The following SPCS1 variants were observed in gnomAD, a reference collection of about 807,000 sequenced individuals.
The protein encoded by SPCS1 is signal peptidase complex subunit 1, also known as SPase 12 kDa subunit.
Under a neutral mutation model 16.4 loss-of-function variants are expected in SPCS1, and 10 were observed. The observed-to-expected ratio is 0.61, with a 90% CI of 0.38 to 1.03. The LOEUF is 1.03. Ranked by LOEUF, SPCS1 falls within the 50% of genes least tolerant of loss-of-function variation. The pLI is 0.01. For missense variants in SPCS1, 118 were observed against 123.8 expected, an observed-to-expected ratio of 0.95 and a Z score of 0.22; for synonymous variants, 47 against 42.5, an observed-to-expected ratio of 1.10 and a Z score of -0.41.
rs1480823575 is a variant in SPCS1, at chr3:52,708,461, G to C, written c.*649G>C. ...ACACGATGCATTGTTAAGTACTTAAGATTTATTGAATGAGAACTGCATTGT... is the reference window on the plus strand; with the variant it reads ...ACACGATGCATTGTTAAGTACTTAACATTTATTGAATGAGAACTGCATTGT... On this transcript the variant is annotated 3_prime_UTR_variant, in exon 4 of 4. Coordinates refer to ENST00000619898, the MANE Select transcript of SPCS1 (RefSeq NM_014041.5). 3 of 152,208 alleles carry C rather than the reference G, an allele frequency of 2.0e-5. No homozygotes were observed. The highest frequency in any genetic ancestry group is 2.9e-5 in the Non-Finnish European group (2 of 68,056). The allele number at this position is 152,208 out of a possible 1,614,324, so 9.4% of individuals were successfully genotyped here. A position where few individuals can be genotyped will look rare whatever the true frequency, so the allele number is the denominator to read the frequency against.
At position 52,711,018 on chromosome 3, in the gene SPCS1, TA is replaced by T. The variant is rs1250477965; in HGVS notation, c.*3209del. 3.9e-5 allele frequency: 6 copies of T among 152,612 alleles called. No individual in the cohort carries two copies. Among genetic ancestry groups the T allele is most frequent in the Non-Finnish European group, 8.8e-5 (6 of 68,028 alleles). The allele number at this position is 152,612 out of a possible 1,614,324, so 9.5% of individuals were successfully genotyped here. ...ACAAACATTAAATATATCCAAAAAC[TA>T]AATGGACCTGGACTTTGCTTACAAA... On this transcript the variant is annotated 3_prime_UTR_variant, in exon 4 of 4. Coordinates refer to ENST00000619898, the MANE Select transcript of SPCS1 (RefSeq NM_014041.5).
intron 1 of SPCS1, 146 bp from the exon 2 acceptor site, chr3:52,706,498 C>T (rs1466880617): frequency 1.1e-6 from 1 of 875,102 alleles, no homozygotes; most frequent in Admixed American, 2.8e-5. Context: ...CCCGGGAAGC[C>T]CAGAATTTAA....
chr3:52,706,633 C>A lies in SPCS1; in HGVS notation c.37-11C>A. On this transcript the variant is annotated splice_polypyrimidine_tract_variant and intron_variant, in intron 1 of 3. Transcript: ENST00000619898. ...TGGAACCAATTCTTTTTTTCCTCTG[C>A]TTCACCCCAGGATTACAAGGGCCAG... is the stretch of plus-strand genomic sequence containing the variant. The A allele has an allele frequency of 3.7e-6, 6 of 1,613,246 alleles. No homozygotes were observed. The highest frequency in any genetic ancestry group is 5.1e-6 in the Non-Finnish European group (6 of 1,179,428).
chr3:52,707,843 T>C lies in SPCS1; in HGVS notation c.*31T>C, dbSNP rs1266362582. ...TCATGATTCAGCACCTGCTTTTGTT[T>C]CTGTGAGATGAGCTAAATTGCTTTC... On this transcript the variant is annotated 3_prime_UTR_variant, in exon 4 of 4. Coordinates refer to ENST00000619898, the MANE Select transcript of SPCS1 (RefSeq NM_014041.5). 3.7e-6 allele frequency: 6 copies of C among 1,612,878 alleles called. No individual in the cohort carries two copies. The highest frequency in any genetic ancestry group is 1.3e-5 in the African/African-American group (1 of 74,856).
At chr3:52,706,311 C>T (rs758341721) in intron 1 of SPCS1, 29 bp downstream of exon 1, 2 of 1,586,444 alleles carry the variant, frequency 1.3e-6, no homozygotes, top group Non-Finnish European at 1.7e-6. Context: ...GACCTCTGCA[C>T]GCCGTTCTTG....
chr3:52,707,933 C>T lies in SPCS1; in HGVS notation c.*121C>T, dbSNP rs372197210. 9.0e-6 allele frequency: 11 copies of T among 1,218,410 alleles called. No individual in the cohort carries two copies. In the East Asian group the frequency reaches 1.2e-4, roughly 13 times the overall value. 75.5% of individuals were successfully genotyped at this position (1,218,410 alleles called of 1,614,324 possible). Reference sequence around the variant, plus strand: ...GGCACAGCTGTGTATAGATTTAGTTCTCTTTATACTTCATTTCTAGCCCAG... The same window carrying T: ...GGCACAGCTGTGTATAGATTTAGTTTTCTTTATACTTCATTTCTAGCCCAG... On this transcript the variant is annotated 3_prime_UTR_variant, in exon 4 of 4. Transcript: ENST00000619898.
Position 52,706,715 on chromosome 3 carries a change from T to A in SPCS1, c.96+12T>A, listed in dbSNP as rs1397536483. On this transcript the variant is annotated intron_variant, in intron 2 of 3. Coordinates refer to ENST00000619898, the MANE Select transcript of SPCS1 (RefSeq NM_014041.5). ...TTCTTTTTTCTGCAGTAAGTATTGGTTTTACATTTAATCTCCGCCCCCGCC... is the reference window on the plus strand; with the variant it reads ...TTCTTTTTTCTGCAGTAAGTATTGGATTTACATTTAATCTCCGCCCCCGCC... The A allele has an allele frequency of 6.2e-7, 1 of 1,612,912 alleles. No homozygotes were observed. Among genetic ancestry groups the A allele is most frequent in the Non-Finnish European group, 8.5e-7 (1 of 1,178,982 alleles).
At position 52,706,856 on chromosome 3, in the gene SPCS1, G is replaced by A. The variant is rs1333094481; in HGVS notation, c.160G>A (p.Ala54Thr). The change falls in exon 3 of 4, where the codon GCC (alanine) becomes ACC (threonine). Residue 54 changes from alanine (A) to threonine (T), a missense_variant. Transcript: ENST00000619898. The part of the protein sequence containing the change: ...QFGWTVYIVM[A>T]GFAFSCLLTL... ...CGGGTGGACTGTCTATATAGTTATGGCCGGATTTGCTTTTTCATGTTTGGT... is the reference window on the plus strand; with the variant it reads ...CGGGTGGACTGTCTATATAGTTATGACCGGATTTGCTTTTTCATGTTTGGT... 6.2e-7 allele frequency: 1 copy of A among 1,613,932 alleles called. No individual in the cohort carries two copies. Among genetic ancestry groups the A allele is most frequent in the African/African-American group, 1.3e-5 (1 of 75,004 alleles).
At chr3:52,706,384 G>T (rs924723824) in intron 1 of SPCS1, 102 bp downstream of exon 1, 1 of 1,287,648 alleles carries the variant, frequency 7.8e-7, no homozygotes, top group Non-Finnish European at 1.1e-6. Context: ...TCCGGGCCCG[G>T]ATGGTTACCG....
Position 52,706,874 on chromosome 3 carries a change from T to C in SPCS1, c.178T>C (p.Cys60Arg), listed in dbSNP as rs1318840712. The change falls in exon 3 of 4, where the codon TGT becomes CGT. Residue 60 changes from cysteine (C) to arginine (R), a missense_variant. Coordinates refer to ENST00000619898, the MANE Select transcript of SPCS1 (RefSeq NM_014041.5). ...YIVMAGFAFS[C>R]LLTLPPWPIY... is the part of the protein sequence containing the mutation. Reference sequence around the variant, plus strand: ...AGTTATGGCCGGATTTGCTTTTTCATGTTTGGTAAGAAATTTGTGGGTATT... The same window carrying C: ...AGTTATGGCCGGATTTGCTTTTTCACGTTTGGTAAGAAATTTGTGGGTATT... 6.2e-7 allele frequency: 1 copy of C among 1,613,680 alleles called. No homozygotes were observed. Among genetic ancestry groups the C allele is most frequent in the South Asian group, 1.1e-5 (1 of 91,074 alleles).
At chr3:52,707,158 T>C (rs545994562) in intron 3 of SPCS1, 143 of 311,370 alleles carry the variant, frequency 4.6e-4, no homozygotes, top group African/African-American at 2.8e-3. Context: ...TCCCTTCACC[T>C]TTTATTTATT....
Position 52,706,841 on chromosome 3 carries a change from G to A in SPCS1, c.145G>A (p.Val49Ile). Residue 49 changes from valine (V) to isoleucine (I), a missense_variant, in exon 3 of 4, where the codon GTC (valine) becomes ATC (isoleucine). Coordinates refer to ENST00000619898, the MANE Select transcript of SPCS1 (RefSeq NM_014041.5). ...GYVAEQFGWTVYIVMAGFAFS... is the reference protein window; with the variant it reads ...GYVAEQFGWTIYIVMAGFAFS... ...CGTGGCTGAACAGTTCGGGTGGACTGTCTATATAGTTATGGCCGGATTTGC... is the reference window on the plus strand; with the variant it reads ...CGTGGCTGAACAGTTCGGGTGGACTATCTATATAGTTATGGCCGGATTTGC... 1 of 1,614,148 alleles carries A rather than the reference G, an allele frequency of 6.2e-7. No homozygotes were observed. The highest frequency in any genetic ancestry group is 1.3e-5 in the African/African-American group (1 of 75,028).
In SPCS1 at chr3:52,706,713, G is replaced by C; in HGVS notation, c.96+10G>C. 6.2e-7 allele frequency: 1 copy of C among 1,613,022 alleles called. No homozygotes were observed. Among genetic ancestry groups the C allele is most frequent in the Non-Finnish European group, 8.5e-7 (1 of 1,179,148 alleles). On this transcript the variant is annotated intron_variant, in intron 2 of 3. Transcript: ENST00000619898. Reference sequence around the variant, plus strand: ...TATTCTTTTTTCTGCAGTAAGTATTGGTTTTACATTTAATCTCCGCCCCCG... The same window carrying C: ...TATTCTTTTTTCTGCAGTAAGTATTCGTTTTACATTTAATCTCCGCCCCCG...
Position 52,706,823 on chromosome 3 carries a change from G to C in SPCS1, c.127G>C (p.Glu43Gln), listed in dbSNP as rs755367025. ...TGGATTTATCTACGGGTACGTGGCT[G>C]AACAGTTCGGGTGGACTGTCTATAT... ...IVGFIYGYVA[E>Q]QFGWTVYIVM... Residue 43 changes from glutamate to glutamine, a missense_variant, in exon 3 of 4, where the codon GAA (glutamate) becomes CAA (glutamine). Transcript: ENST00000619898. 5 of 1,614,108 alleles carry C rather than the reference G, an allele frequency of 3.1e-6. No homozygotes were observed. Among genetic ancestry groups the C allele is most frequent in the Non-Finnish European group, 4.2e-6 (5 of 1,179,974 alleles).
intron 3 of SPCS1, 54 bp downstream of exon 3, chr3:52,706,933 T>C: frequency 2.2e-6 from 3 of 1,335,922 alleles, no homozygotes; most frequent in Non-Finnish European, 3.2e-6. Flanking sequence ...TCGGGTTGGT[T>C]TGGTTAGACC....
rs554482248 is a variant in SPCS1 at position 52,708,747 on chromosome 3, GAAA to G, written c.*943_*945del. On this transcript the variant is annotated 3_prime_UTR_variant, in exon 4 of 4. Coordinates refer to ENST00000619898, the MANE Select transcript of SPCS1 (RefSeq NM_014041.5). ...TAACGGATCATGTACAAAGCAACAG[GAAA>G]AAAAAAACTGCAAGCAGTAAAGGTT... The G allele has an allele frequency of 6.7e-6, 1 of 148,538 alleles. No individual in the cohort carries two copies. The highest frequency in any genetic ancestry group is 6.7e-5 in the Admixed American group (1 of 14,870). 9.2% of individuals were successfully genotyped at this position (148,538 alleles called of 1,614,324 possible).
chr3:52,710,305 CA>C lies in SPCS1; in HGVS notation c.*2494del, dbSNP rs2097349137. ...GAGTGAACCTGGGAGGCGGAGCTTG[CA>C]GTGATCTGAGATTGGGCCACTGCAC... On this transcript the variant is annotated 3_prime_UTR_variant, in exon 4 of 4. Coordinates refer to ENST00000619898, the MANE Select transcript of SPCS1 (RefSeq NM_014041.5). 6.6e-6 allele frequency: 1 copy of C among 151,176 alleles called. No homozygotes were observed. Among genetic ancestry groups the C allele is most frequent in the African/African-American group, 2.4e-5 (1 of 41,020 alleles). 9.4% of individuals were successfully genotyped at this position (151,176 alleles called of 1,614,324 possible). A position where few individuals can be genotyped will look rare whatever the true frequency, so the allele number is the denominator to read the frequency against.
rs2097347300 is a variant in SPCS1, at chr3:52,708,724, A to T, written c.*912A>T. ...GAATGCCTATAAGGCCATTTGAATA[A>T]CGGATCATGTACAAAGCAACAGGAA... On this transcript the variant is annotated 3_prime_UTR_variant, in exon 4 of 4. Coordinates refer to ENST00000619898, the MANE Select transcript of SPCS1 (RefSeq NM_014041.5). The T allele has an allele frequency of 6.6e-6, 1 of 152,196 alleles. No homozygotes were observed. Among genetic ancestry groups the T allele is most frequent in the East Asian group, 1.9e-4 (1 of 5,196 alleles). 9.4% of individuals were successfully genotyped at this position (152,196 alleles called of 1,614,324 possible). A position where few individuals can be genotyped will look rare whatever the true frequency, so the allele number is the denominator to read the frequency against.
chr3:52,706,689 A>C lies in SPCS1; in HGVS notation c.82A>C (p.Ile28Leu). Residue 28 changes from isoleucine to leucine, a missense_variant, in exon 2 of 4, where the codon ATT becomes CTT. Physicochemically the swap from Ile to Leu is conservative, Grantham distance 5. Transcript: ENST00000619898. Reference protein sequence around the residue: ...KLAEQMFQGIILFSAIVGFIY... With the variant: ...KLAEQMFQGILLFSAIVGFIY... ...AGCTGAACAGATGTTTCAGGGAATT[A>C]TTCTTTTTTCTGCAGTAAGTATTGG... 1 of 1,613,990 alleles carries C rather than the reference A, an allele frequency of 6.2e-7. No homozygotes were observed. The highest frequency in any genetic ancestry group is 8.5e-7 in the Non-Finnish European group (1 of 1,179,926).
Sources: allele counts gnomAD v4.1 joint callset, GRCh38; gene constraint gnomAD v4.1.1; transcripts MANE v1.5; gene names NCBI Gene and HGNC (gene_info 2026-07-23, HGNC 2026-07-21).